Variants in PIK3R3 observed in about 807,000 individuals in gnomAD.
PIK3R3 encodes phosphoinositide-3-kinase regulatory subunit 3.
In PIK3R3, 64 loss-of-function variants were observed where a neutral mutation model predicts 62.9. That is an observed-to-expected ratio of 1.02 (90% CI 0.83 to 1.25). PIK3R3 has a LOEUF of 1.25. Among genes scored for constraint, PIK3R3 ranks in the 50% most tolerant of loss-of-function variants. The pLI is 0.00. For synonymous variants in PIK3R3, 165 were observed against 189.0 expected, an observed-to-expected ratio of 0.87 and a Z score of 1.04; for missense variants, 614 against 561.6, an observed-to-expected ratio of 1.09 and a Z score of -0.94.
chr1:46,046,066 C>G lies in PIK3R3; in HGVS notation c.1039G>C (p.Asp347His). The change falls in exon 9 of 10, where the codon GAT becomes CAT. Residue 347 changes from aspartate to histidine, a missense_variant. Asp to His is a moderately conservative substitution (Grantham distance 81, BLOSUM62 -1). Transcript: ENST00000262741. ...TCATCATAATGGGGCAGGTTTTCAT[C>G]TTCCTCATTGATAAAATAGTTCCTA... ...ADENYFINEE[D>H]ENLPHYDEKT... 1 of 1,601,686 alleles carries G rather than the reference C, an allele frequency of 6.2e-7. No individual in the cohort carries two copies.
the PIK3R3 span, among the ~76,000 whole-genome samples, chr1:46,147,799 G>A: frequency 1.3e-5 from 2 of 152,146 alleles, no homozygotes; most frequent in Non-Finnish European, 2.9e-5. Flanking sequence ...ACAGATTTTC[G>A]CTCTTCCGCA....
At chr1:46,158,955 C>T in the PIK3R3 span, among the ~76,000 whole-genome samples, 26,836 of 151,910 alleles carry the variant, frequency 0.18, 2,614 homozygotes, top group South Asian at 0.39. Context: ...GGCGTGGTGG[C>T]GCGTGCCTGC....
intron 9 of PIK3R3, 144 bp downstream of exon 9, chr1:46,045,774 T>G: frequency 1.5e-6 from 1 of 673,740 alleles, no homozygotes; most frequent in Non-Finnish European, 2.5e-6. Context: ...TAAAGCTGGG[T>G]TTTTTTGTAC....
At chr1:46,049,164 TAA>T (rs57804445) in intron 7 of PIK3R3, among the ~76,000 whole-genome samples, 4 of 136,938 alleles carry the variant, frequency 2.9e-5, no homozygotes, top group Admixed American at 7.3e-5. Context: ...AATCTCTTCT[TAA>T]AAAAAAAAAA....
At chr1:46,159,596 C>T in the PIK3R3 span, among the ~76,000 whole-genome samples, 2 of 152,088 alleles carry the variant, frequency 1.3e-5, no homozygotes, top group Admixed American at 6.6e-5. Context: ...ACAGAAAATC[C>T]CCAGGACAAT....
upstream of PIK3R3, among the ~76,000 whole-genome samples, chr1:46,133,212 G>A (rs751011580): frequency 1.1e-4 from 17 of 152,016 alleles, no homozygotes; most frequent in Non-Finnish European, 2.2e-4. Context: ...GAAAAGAGGA[G>A]GAAAAAAAAG....
rs547121223 is a variant in PIK3R3, at chr1:46,105,140, G to T, written c.107-24390C>A. 1.2e-3 allele frequency: 817 copies of T among 689,340 alleles called. 3 individuals carry two copies. Among genetic ancestry groups the T allele is most frequent in the Non-Finnish European group, 1.4e-3 (521 of 374,870 alleles). 42.7% of individuals were successfully genotyped at this position (689,340 alleles called of 1,614,324 possible). ...AATAGAATGGAACCTGTCCCCTGAT[G>T]GGAGAGTCACTCCGAAGGAATGGAG... On this transcript the variant is annotated intron_variant, in intron 1 of 9. Coordinates refer to ENST00000262741, the MANE Select transcript of PIK3R3 (RefSeq NM_003629.4).
At chr1:46,064,447 A>C (rs1419084880) in intron 5 of PIK3R3, among the ~76,000 whole-genome samples, 1 of 152,078 alleles carries the variant, frequency 6.6e-6, no homozygotes, top group East Asian at 1.9e-4. Flanking sequence ...AGGCTGAGGC[A>C]GGAGAATTGC....
At chr1:46,128,619 C>T (rs896334042) in intron 1 of PIK3R3, among the ~76,000 whole-genome samples, 11 of 152,126 alleles carry the variant, frequency 7.2e-5, no homozygotes, top group African/African-American at 2.7e-4. Context: ...AACAATGTTC[C>T]TTATTTACTA....
In PIK3R3 at chr1:46,044,366, G is replaced by A. The variant is rs1414292181; in HGVS notation, c.1188-495C>T. Among the ~76,000 whole-genome samples, 4 of 152,088 alleles carry A rather than the reference G, an allele frequency of 2.6e-5. No homozygotes were observed. Among genetic ancestry groups the A allele is most frequent in the Admixed American group, 2.0e-4 (3 of 15,270 alleles). On this transcript the variant is annotated intron_variant, in intron 9 of 9. Coordinates refer to ENST00000262741, the MANE Select transcript of PIK3R3 (RefSeq NM_003629.4). This position sits in a 1 kb window ranked among gnomAD's most constrained non-coding sequence, Gnocchi z 4.2. The stretch of plus-strand genomic sequence containing the variant: ...TGGGATTACAGGTGTGAGCCACCAC[G>A]CCCAGCCAAGGGTAGTTTTTGATTA...
intron 3 of PIK3R3, among the ~76,000 whole-genome samples, chr1:46,071,712 A>AAATATATAT (rs1472807815): frequency 4.1e-5 from 1 of 24,644 alleles, no homozygotes; most frequent in African/African-American, 1.6e-4. Context: ...AAAAAAAAAA[A>AAATATATAT]ATATATATAT....
At chr1:46,078,592 AAC>A (rs1220406939) in intron 2 of PIK3R3, among the ~76,000 whole-genome samples, 1 of 152,214 alleles carries the variant, frequency 6.6e-6, no homozygotes, top group Non-Finnish European at 1.5e-5. Flanking sequence ...CAAAAAGTTA[AAC>A]ACAGAATTAC....
At chr1:46,049,190 A>G (rs1487679535) in intron 7 of PIK3R3, among the ~76,000 whole-genome samples, 1 of 151,228 alleles carries the variant, frequency 6.6e-6, no homozygotes, top group East Asian at 1.9e-4. Flanking sequence ...GGAAAATACT[A>G]CTTCCATAGA....
intron 7 of PIK3R3, among the ~76,000 whole-genome samples, chr1:46,049,981 C>T (rs939474520): frequency 2.6e-5 from 4 of 151,832 alleles, no homozygotes; most frequent in African/African-American, 9.7e-5. Context: ...ATTAGCCAGG[C>T]ATGGTGGCGC....
At chr1:46,162,124 A>G in the PIK3R3 span, among the ~76,000 whole-genome samples, 104 of 150,772 alleles carry the variant, frequency 6.9e-4, no homozygotes, top group African/African-American at 2.4e-3. Context: ...TCTTCATAGT[A>G]TTTTTAGAAT....
chr1:46,168,914 A>T, the PIK3R3 span, among the ~76,000 whole-genome samples: 558 of 152,182 alleles, frequency 3.7e-3, 3 homozygotes, highest in African/African-American at 0.013. Context: ...AGACCAGTTC[A>T]GGACCATTCC....
Position 46,061,994 on chromosome 1 carries a change from T to C in PIK3R3, c.699A>G (p.Gln233=), listed in dbSNP as rs1648539859. The change falls in exon 6 of 10, where the codon CAA becomes CAG. Residue 233 remains glutamine (Q), a synonymous_variant. Transcript: ENST00000262741. ...CAATATATTCTTTGCTATGTTGTTC[T>C]TGTGTGTGACACTGCTCTTCAAATA... is the stretch of plus-strand genomic sequence containing the variant. The part of the protein sequence containing the change: ...IKIFEEQCHT[Q]EQHSKEYIER... 2.5e-6 allele frequency: 4 copies of C among 1,612,626 alleles called. No individual in the cohort carries two copies. Among genetic ancestry groups the C allele is most frequent in the Admixed American group, 1.7e-5 (1 of 59,996 alleles).
At chr1:46,139,871 C>T in the PIK3R3 span, among the ~76,000 whole-genome samples, 1 of 152,196 alleles carries the variant, frequency 6.6e-6, no homozygotes, top group Non-Finnish European at 1.5e-5. Flanking sequence ...AGGAATCTAG[C>T]TCAGTATCCT....
At chr1:46,096,802 C>A (rs1448610088) in intron 1 of PIK3R3, among the ~76,000 whole-genome samples, 2 of 149,074 alleles carry the variant, frequency 1.3e-5, no homozygotes, top group Non-Finnish European at 1.5e-5. Flanking sequence ...GATAGTGTCA[C>A]TGCACTCCAT....
Sources: allele counts gnomAD v4.1 joint callset (sites outside exome capture counted in the v4.1 genomes callset), GRCh38; gene constraint gnomAD v4.1.1; non-coding constraint Gnocchi (gnomAD v3.1); transcripts MANE v1.5; gene names NCBI Gene and HGNC (gene_info 2026-07-23, HGNC 2026-07-21).